The following RIMS2 variants were observed in gnomAD, a reference collection of about 807,000 sequenced individuals.
The protein encoded by RIMS2 is regulating synaptic membrane exocytosis 2.
Under a neutral mutation model 174.4 loss-of-function variants are expected in RIMS2, and 59 were observed. That is an observed-to-expected ratio of 0.34 (90% confidence interval 0.27 to 0.42). RIMS2 has a LOEUF of 0.42. RIMS2 is among the 10% of genes least tolerant of loss of function. The probability of loss-of-function intolerance (pLI) is 1.00; values close to 1 mark genes in which losing one functional copy is unlikely to be tolerated. For synonymous variants in RIMS2, 606 were observed against 572.5 expected (o/e 1.06, Z -0.84); for missense variants, 1,620 against 1,666.3 (o/e 0.97, Z 0.48).
intron 1 of RIMS2, among the ~76,000 whole-genome samples, chr8:103,569,528 T>C (rs980156289): frequency 6.6e-6 from 1 of 152,184 alleles, no homozygotes; most frequent in Non-Finnish European, 1.5e-5. Flanking sequence ...TCTTCTTTAA[T>C]TTTTTCCCAA....
chr8:103,637,227 T>G (rs1011159183), intron 1 of RIMS2, among the ~76,000 whole-genome samples: 3 of 152,192 alleles, frequency 2.0e-5, no homozygotes, highest in African/African-American at 7.2e-5. Flanking sequence ...TAGTCTCAAT[T>G]TTGGTATTTC....
chr8:103,617,050 C>G (rs1230866689), intron 1 of RIMS2, among the ~76,000 whole-genome samples: 2 of 151,930 alleles, frequency 1.3e-5, no homozygotes, highest in Non-Finnish European at 2.9e-5. Flanking sequence ...CCAAAAAGCC[C>G]AGATAGCGAA....
At chr8:104,058,488 G>A (rs1273715916) in intron 19 of RIMS2, among the ~76,000 whole-genome samples, 3 of 150,656 alleles carry the variant, frequency 2.0e-5, no homozygotes, top group African/African-American at 4.9e-5. Context: ...AGATGAGTAG[G>A]TTGCAAAAAT....
At chr8:103,768,265 A>G in intron 3 of RIMS2, 1 of 559,704 alleles carries the variant, frequency 1.8e-6, no homozygotes, top group Non-Finnish European at 3.3e-6. Context: ...CCTTGGAGGC[A>G]TTCACCTGCT....
intron 1 of RIMS2, among the ~76,000 whole-genome samples, chr8:103,632,900 A>AT (rs2095974153): frequency 7.5e-6 from 1 of 133,986 alleles, no homozygotes; most frequent in Non-Finnish European, 1.6e-5. Flanking sequence ...TGCCGGGCTA[A>AT]TTTTTTGTAT....
intron 16 of RIMS2, among the ~76,000 whole-genome samples, chr8:103,987,859 A>G (rs1275908434): frequency 1.3e-5 from 2 of 152,240 alleles, no homozygotes; most frequent in African/African-American, 4.8e-5. Context: ...AACCCAAAGT[A>G]TCCAACAATT....
intron 1 of RIMS2, among the ~76,000 whole-genome samples, chr8:103,535,441 G>A (rs1487380435): frequency 6.6e-6 from 1 of 152,178 alleles, no homozygotes; most frequent in Non-Finnish European, 1.5e-5. Context: ...TGGCAGATCA[G>A]GCTCAAGTAT....
At chr8:103,712,343 G>T (rs1269593249) in intron 2 of RIMS2, among the ~76,000 whole-genome samples, 1 of 151,814 alleles carries the variant, frequency 6.6e-6, no homozygotes, top group Non-Finnish European at 1.5e-5. Flanking sequence ...AAAATATGTA[G>T]GAGTATATGG....
chr8:103,572,365 A>G (rs1223813628), intron 1 of RIMS2, among the ~76,000 whole-genome samples: 1 of 104,538 alleles, frequency 9.6e-6, no homozygotes, highest in Non-Finnish European at 2.1e-5. Flanking sequence ...CGATTGGTCC[A>G]TTTTACAGAG....
intron 19 of RIMS2, among the ~76,000 whole-genome samples, chr8:104,204,520 TATTA>T (rs1266779255): frequency 3.3e-5 from 5 of 151,802 alleles, no homozygotes. Context: ...CTATGGACAG[TATTA>T]ATTGTGACTA....
chr8:103,551,180 C>T (rs878976553), intron 1 of RIMS2, among the ~76,000 whole-genome samples: 2 of 152,174 alleles, frequency 1.3e-5, no homozygotes, highest in Admixed American at 1.3e-4. Flanking sequence ...CCCTCATGAA[C>T]ATCGATGCAA....
chr8:103,794,143 G>T (rs551613212), intron 3 of RIMS2, among the ~76,000 whole-genome samples: 2 of 152,018 alleles, frequency 1.3e-5, no homozygotes, highest in Non-Finnish European at 2.9e-5. Flanking sequence ...TAAGCCAAAA[G>T]AACAAAGCTG....
intron 14 of RIMS2, among the ~76,000 whole-genome samples, chr8:103,958,423 T>C (rs1022296184): frequency 6.6e-6 from 1 of 151,878 alleles, no homozygotes; most frequent in African/African-American, 2.4e-5. Context: ...GGTGGGAGGA[T>C]AGAAAGGAGC....
chr8:104,131,187 G>C (rs2098470821), intron 19 of RIMS2, among the ~76,000 whole-genome samples: 1 of 152,220 alleles, frequency 6.6e-6, no homozygotes, highest in South Asian at 2.1e-4. Flanking sequence ...AATGTGTGAA[G>C]TATTTTGCAT....
At chr8:103,724,283 G>T (rs1043345023) in intron 2 of RIMS2, among the ~76,000 whole-genome samples, 5 of 151,854 alleles carry the variant, frequency 3.3e-5, no homozygotes, top group African/African-American at 1.2e-4. Flanking sequence ...AGGGGGTGAG[G>T]GTAGAAAAAT....
intron 2 of RIMS2, among the ~76,000 whole-genome samples, chr8:103,752,534 C>T (rs1346136185): frequency 6.6e-6 from 1 of 152,080 alleles, no homozygotes; most frequent in Non-Finnish European, 1.5e-5. Flanking sequence ...CTATAAATTA[C>T]CTTGGGCAGT....
chr8:103,591,116 G>A (rs1415680149), intron 1 of RIMS2, among the ~76,000 whole-genome samples: 1 of 150,816 alleles, frequency 6.6e-6, no homozygotes, highest in Admixed American at 6.6e-5. Context: ...ATAATATGTA[G>A]AGGTAGCTCT....
chr8:104,146,974 C>T (rs1437492452), intron 19 of RIMS2, among the ~76,000 whole-genome samples: 13 of 152,188 alleles, frequency 8.5e-5, no homozygotes, highest in South Asian at 4.1e-4. Flanking sequence ...GTATTACAGA[C>T]GTGAGCCACT....
At chr8:103,876,935 A>G (rs2099144051) in intron 3 of RIMS2, among the ~76,000 whole-genome samples, 1 of 116,270 alleles carries the variant, frequency 8.6e-6, no homozygotes, top group Admixed American at 9.2e-5. Context: ...TATACATAAC[A>G]CAGTTTCTTT....
Sources: gnomAD v4.1 joint callset for allele counts (sites outside exome capture counted in the v4.1 genomes callset) on GRCh38, gnomAD v4.1.1 for gene constraint, MANE v1.5 for transcripts, NCBI Gene and HGNC (gene_info 2026-07-23, HGNC 2026-07-21) for gene names.